The following LOC128462377 variants were observed in gnomAD, a reference collection of about 807,000 sequenced individuals.
chr16:89,379,368 G>A, the LOC128462377 span, among the ~76,000 whole-genome samples: 1 of 152,156 alleles, frequency 6.6e-6, no homozygotes, highest in Non-Finnish European at 1.5e-5. Context: ...ACCAGTGAAC[G>A]GGGCTTTCAT....
the LOC128462377 span, among the ~76,000 whole-genome samples, chr16:89,348,931 C>T: frequency 6.7e-6 from 1 of 148,172 alleles, no homozygotes; most frequent in East Asian, 2.0e-4. Flanking sequence ...AGTTCAAGAC[C>T]AGCCTCGTCA....
the LOC128462377 span, among the ~76,000 whole-genome samples, chr16:89,335,813 AC>A: frequency 6.6e-6 from 1 of 152,102 alleles, no homozygotes; most frequent in East Asian, 1.9e-4. Flanking sequence ...TTACGGTTTG[AC>A]CCAGAGAGTA....
the LOC128462377 span, chr16:89,373,095 A>G: frequency 2.0e-5 from 3 of 152,224 alleles, no homozygotes; most frequent in African/African-American, 4.8e-5. Context: ...CTCCCGCTGC[A>G]TATCACCGGG....
At chr16:89,357,428 T>C in the LOC128462377 span, among the ~76,000 whole-genome samples, 10 of 152,048 alleles carry the variant, frequency 6.6e-5, no homozygotes, top group East Asian at 1.7e-3. Flanking sequence ...TGGGAACATA[T>C]AATGGTGCAA....
At chr16:89,379,745 T>C in the LOC128462377 span, among the ~76,000 whole-genome samples, 1 of 152,226 alleles carries the variant, frequency 6.6e-6, no homozygotes, top group African/African-American at 2.4e-5. Flanking sequence ...TTGGTTCTTG[T>C]GATTCACAAA....
the LOC128462377 span, among the ~76,000 whole-genome samples, chr16:89,366,309 T>C: frequency 6.6e-6 from 1 of 152,168 alleles, no homozygotes; most frequent in Non-Finnish European, 1.5e-5. Context: ...TGTGTCTTTA[T>C]GGTAGAATGG....
chr16:89,357,937 T>C, the LOC128462377 span, among the ~76,000 whole-genome samples: 3 of 152,270 alleles, frequency 2.0e-5, no homozygotes, highest in Non-Finnish European at 2.9e-5. Flanking sequence ...TGAAAAGTAG[T>C]AAATCCTTTC....
chr16:89,327,970 T>A, the LOC128462377 span, among the ~76,000 whole-genome samples: 1 of 152,190 alleles, frequency 6.6e-6, no homozygotes. Flanking sequence ...GGGAAAAATA[T>A]CTGCAAATCA....
chr16:89,331,064 C>A, the LOC128462377 span, among the ~76,000 whole-genome samples: 4 of 152,180 alleles, frequency 2.6e-5, no homozygotes, highest in African/African-American at 9.7e-5. Flanking sequence ...AGCAATTCTC[C>A]TGCCTCAGCC....
the LOC128462377 span, among the ~76,000 whole-genome samples, chr16:89,376,878 G>A: frequency 1.3e-5 from 2 of 152,232 alleles, no homozygotes; most frequent in Non-Finnish European, 2.9e-5. Flanking sequence ...ACTGTTTTGT[G>A]CAAATGCAGT....
At chr16:89,317,209 G>GCCAGGC in the LOC128462377 span, 1 of 717,598 alleles carries the variant, frequency 1.4e-6, no homozygotes, top group Non-Finnish European at 2.4e-6. Flanking sequence ...TGGGGCCCGG[G>GCCAGGC]CCAGGCCCAG....
At chr16:89,406,416 G>A in the LOC128462377 span, among the ~76,000 whole-genome samples, 89 of 152,290 alleles carry the variant, frequency 5.8e-4, no homozygotes, top group Admixed American at 3.5e-3. Context: ...TGAGACTTGC[G>A]GTCAGTCCTA....
chr16:89,404,396 C>T, the LOC128462377 span, among the ~76,000 whole-genome samples: 46 of 152,192 alleles, frequency 3.0e-4, no homozygotes, highest in Admixed American at 2.0e-4. Flanking sequence ...ACTGAAAACA[C>T]TGAAAAGGTA....
At chr16:89,339,419 T>C in the LOC128462377 span, among the ~76,000 whole-genome samples, 86,027 of 152,022 alleles carry the variant, frequency 0.57, 24,578 homozygotes, top group African/African-American at 0.64. Flanking sequence ...GTCGGTAGCA[T>C]CACACAGGTC....
the LOC128462377 span, among the ~76,000 whole-genome samples, chr16:89,382,708 G>C: frequency 5.3e-5 from 8 of 149,626 alleles, no homozygotes; most frequent in African/African-American, 2.0e-4. Context: ...TCAAACTCCT[G>C]GGCTCAAGTA....
At chr16:89,388,293 ATTTTTTTTT>A in the LOC128462377 span, among the ~76,000 whole-genome samples, 6 of 85,268 alleles carry the variant, frequency 7.0e-5, no homozygotes, top group Non-Finnish European at 9.0e-5. Flanking sequence ...CATGAGGCTG[ATTTTTTTTT>A]TTTTTTTTTT....
At chr16:89,377,977 TCTTC>T in the LOC128462377 span, among the ~76,000 whole-genome samples, 2 of 152,122 alleles carry the variant, frequency 1.3e-5, no homozygotes, top group Non-Finnish European at 2.9e-5. Flanking sequence ...ACATATTTTC[TCTTC>T]CTTATGATTT....
the LOC128462377 span, among the ~76,000 whole-genome samples, chr16:89,393,815 G>C: frequency 6.6e-6 from 1 of 152,182 alleles, no homozygotes; most frequent in Non-Finnish European, 1.5e-5. Context: ...CAGGCTCTAA[G>C]TATTTAATGA....
the LOC128462377 span, among the ~76,000 whole-genome samples, chr16:89,325,450 CT>C: frequency 8.6e-5 from 2 of 23,262 alleles, no homozygotes. Flanking sequence ...CTCCCCTCTC[CT>C]CTCTCTCTCT....
Sources: gnomAD v4.1 joint callset for allele counts (sites outside exome capture counted in the v4.1 genomes callset) on GRCh38, gnomAD v4.1.1 for gene constraint, MANE v1.5 for transcripts.